The following CHRNA3 variants were observed in gnomAD, a reference collection of about 807,000 sequenced individuals.
CHRNA3 encodes the protein cholinergic receptor nicotinic alpha 3 subunit.
CHRNA3 carries 34 observed loss-of-function variants against 41.9 expected under a neutral mutation model. That is an observed-to-expected ratio of 0.81 (90% CI 0.62 to 1.08). The LOEUF is 1.08. Among genes scored for constraint, CHRNA3 ranks in the 50% least tolerant of loss-of-function variants. CHRNA3 has a pLI of 0.00. For synonymous variants in CHRNA3, 281 were observed against 265.2 expected (o/e 1.06, Z -0.58); for missense variants, 542 against 638.3 (o/e 0.85, Z 1.63).
chr15:78,614,773 T>C (rs1454489668), intron 4 of CHRNA3, among the ~76,000 whole-genome samples: 3 of 152,242 alleles, frequency 2.0e-5, no homozygotes, highest in Non-Finnish European at 4.4e-5. Context: ...ACAAAAATGA[T>C]ATTCTTCAAT....
chr15:78,597,664 A>C (rs1266964107), intron 5 of CHRNA3, among the ~76,000 whole-genome samples: 1 of 152,190 alleles, frequency 6.6e-6, no homozygotes, highest in Non-Finnish European at 1.5e-5. Context: ...TGGGAGAAAA[A>C]GCAAGACCAA....
intron 5 of CHRNA3, among the ~76,000 whole-genome samples, chr15:78,597,389 C>T (rs749637757): frequency 2.0e-5 from 3 of 152,152 alleles, no homozygotes; most frequent in Admixed American, 1.3e-4. Context: ...AGAGATCACG[C>T]CACTGCACTC....
chr15:78,616,408 G>A (rs992049680), intron 4 of CHRNA3, among the ~76,000 whole-genome samples: 11 of 130,824 alleles, frequency 8.4e-5, no homozygotes, highest in Non-Finnish European at 1.1e-4. Context: ...TCAGCAGGCT[G>A]GGAACCCTGG....
rs1053208748 is a variant in CHRNA3 at position 78,618,499 on chromosome 15, C to T, written c.267+118G>A. 16 of 1,178,260 alleles carry T rather than the reference C, an allele frequency of 1.4e-5. No homozygotes were observed. The African/African-American group carries it at 2.3e-4, about 17-fold the overall frequency. 73.0% of individuals were successfully genotyped at this position (1,178,260 alleles called of 1,614,324 possible). A position where few individuals can be genotyped will look rare whatever the true frequency, so the allele number is the denominator to read the frequency against. ...AGATATATCTGCCAGTCAGTGGACC[C>T]CAATCTGGGTTCCACAGAAGTAAAT... On this transcript the variant is annotated intron_variant, in intron 3 of 5. Coordinates refer to ENST00000326828, the MANE Select transcript of CHRNA3 (RefSeq NM_000743.5).
chr15:78,607,261 C>A (rs949071458), intron 4 of CHRNA3, among the ~76,000 whole-genome samples: 16 of 151,328 alleles, frequency 1.1e-4, no homozygotes, highest in Admixed American at 2.6e-4. Flanking sequence ...TAAAGAGGAG[C>A]CAAGAATTTT....
Position 78,602,149 on chromosome 15 carries a change from A to C in CHRNA3, c.493T>G (p.Tyr165Asp). ...FKSSCKIDVT[Y>D]FPFDYQNCTM... is the part of the protein sequence containing the mutation. ...CAGTTTTGGTAATCAAACGGGAAGT[A>C]GGTCACGTCGATTTTACAGGAGCTC... Residue 165 changes from tyrosine (Y) to aspartate (D), a missense_variant, in exon 5 of 6, where the codon TAC becomes GAC. Transcript: ENST00000326828. 6.2e-7 allele frequency: 1 copy of C among 1,614,154 alleles called. No individual in the cohort carries two copies.
In CHRNA3 at chr15:78,596,679, C is replaced by T; in HGVS notation, c.1443G>A (p.Trp481Ter). 5 of 1,613,062 alleles carry T rather than the reference C, an allele frequency of 3.1e-6. No individual in the cohort carries two copies. The highest frequency in any genetic ancestry group is 4.2e-6 in the Non-Finnish European group (5 of 1,179,846). ...CTAGAATGCACACCAGGGTGAAAAC[C>T]CACAGAAAAATACGATCAATCACCA... Reference protein sequence around the residue: ...VAMVIDRIFLWVFTLVCILGT... With the variant: ...VAMVIDRIFL The change falls in exon 6 of 6, where the codon TGG becomes TGA. Residue 481 changes from tryptophan (W) to a stop codon, truncating the protein, a stop_gained. Transcript: ENST00000326828. LOFTEE classifies it high-confidence loss of function.
rs151114183 is a variant in CHRNA3 at position 78,597,950 on chromosome 15, T to A, written c.1390-1218A>T. On this transcript the variant is annotated intron_variant, in intron 5 of 5. Coordinates refer to ENST00000326828, the MANE Select transcript of CHRNA3 (RefSeq NM_000743.5). The stretch of plus-strand genomic sequence containing the variant: ...CTACTGTCATAGGTAAAATTAGAAT[T>A]ATGATGCCATATTTGCCATGAGGTA... Among the ~76,000 whole-genome samples the A allele has an allele frequency of 2.6e-4, 39 of 152,310 alleles. 1 individual carries two copies. In the East Asian group the frequency reaches 6.9e-3, roughly 27 times the overall value.
intron 1 of CHRNA3, 27 bp downstream of exon 1, chr15:78,620,686 C>G: frequency 6.7e-7 from 1 of 1,503,094 alleles, no homozygotes; most frequent in South Asian, 1.2e-5. Flanking sequence ...GCCCGTCCCT[C>G]CGGAGCCCTA....
intron 4 of CHRNA3, among the ~76,000 whole-genome samples, chr15:78,606,742 C>G (rs768331822): frequency 6.6e-6 from 1 of 150,698 alleles, no homozygotes; most frequent in African/African-American, 2.4e-5. Context: ...AAAAAAAATA[C>G]AAAAAAATTA....
Position 78,618,858 on chromosome 15 carries a change from T to C in CHRNA3, c.140A>G (p.Asn47Ser), listed in dbSNP as rs374943001. 9.3e-6 allele frequency: 15 copies of C among 1,613,938 alleles called. No homozygotes were observed. The highest frequency in any genetic ancestry group is 4.0e-5 in the African/African-American group (3 of 74,930). The change falls in exon 2 of 6, where the codon AAT becomes AGT. Residue 47 changes from asparagine to serine, a missense_variant. Transcript: ENST00000326828. ...RLFERLFEDY[N>S]EIIRPVANVS... The stretch of plus-strand genomic sequence containing the variant: ...GTTGGCTACAGGCCGGATGATCTCA[T>C]TGTAATCTTCAAACAGCCGCTCAAA...
intron 4 of CHRNA3, among the ~76,000 whole-genome samples, chr15:78,604,684 C>G (rs2053255946): frequency 6.6e-6 from 1 of 152,122 alleles, no homozygotes; most frequent in Non-Finnish European, 1.5e-5. Context: ...ATAAAGGGCA[C>G]TCAGTAAATA....
intron 4 of CHRNA3, among the ~76,000 whole-genome samples, chr15:78,613,199 A>G (rs1478132692): frequency 6.6e-6 from 1 of 152,180 alleles, no homozygotes. Flanking sequence ...ATACCATTTG[A>G]CCCAGCCATC....
intron 4 of CHRNA3, among the ~76,000 whole-genome samples, chr15:78,606,914 A>C (rs1477499379): frequency 1.3e-5 from 2 of 151,952 alleles, no homozygotes; most frequent in African/African-American, 4.8e-5. Flanking sequence ...AACACACAAA[A>C]AAGAAAACCA....
chr15:78,616,050 G>A (rs896804341), intron 4 of CHRNA3, among the ~76,000 whole-genome samples: 1 of 141,182 alleles, frequency 7.1e-6, no homozygotes, highest in African/African-American at 2.6e-5. Flanking sequence ...CCAAACACCT[G>A]TATTTTTAAA....
chr15:78,608,311 C>T (rs1214311232), intron 4 of CHRNA3, among the ~76,000 whole-genome samples: 1 of 152,196 alleles, frequency 6.6e-6, no homozygotes, highest in Non-Finnish European at 1.5e-5. Flanking sequence ...GGAGACACCC[C>T]CCAAGTAGGG....
intron 4 of CHRNA3, among the ~76,000 whole-genome samples, chr15:78,608,501 C>T (rs2053333088): frequency 2.0e-5 from 3 of 152,224 alleles, no homozygotes; most frequent in Admixed American, 2.0e-4. Flanking sequence ...CAAACTCCAA[C>T]AGACCTGCAG....
chr15:78,598,114 C>CTGAT (rs1312027506), intron 5 of CHRNA3, among the ~76,000 whole-genome samples: 3 of 152,200 alleles, frequency 2.0e-5, no homozygotes, highest in Admixed American at 6.5e-5. Context: ...TGGAGACAAA[C>CTGAT]TGATTAGAAT....
intron 5 of CHRNA3, among the ~76,000 whole-genome samples, chr15:78,598,398 C>CTT (rs200918569): frequency 1.3e-3 from 191 of 144,744 alleles, no homozygotes; most frequent in Non-Finnish European, 1.5e-3. Flanking sequence ...AATTTTATAT[C>CTT]TTTTTTTTTT....
Sources: allele counts gnomAD v4.1 joint callset (sites outside exome capture counted in the v4.1 genomes callset), GRCh38; gene constraint gnomAD v4.1.1; transcripts MANE v1.5; gene names NCBI Gene and HGNC (gene_info 2026-07-23, HGNC 2026-07-21).